The following ITGA1 variants were observed in gnomAD, a reference collection of about 807,000 sequenced individuals.
The protein encoded by ITGA1 is integrin alpha-1.
ITGA1 carries 85 observed loss-of-function variants against 145.9 expected under a neutral mutation model. The observed-to-expected ratio is 0.58, with a 90% CI of 0.49 to 0.70. The LOEUF (loss-of-function observed/expected upper bound fraction) is 0.70, where lower values mean the gene tolerates loss of function less well. ITGA1 is among the 30% of genes least tolerant of loss of function. The pLI, the probability that ITGA1 is intolerant of heterozygous loss-of-function variation, is 0.00. For synonymous variants in ITGA1, 520 were observed against 495.3 expected (o/e 1.05, Z -0.66); for missense variants, 1,351 against 1,418.7 (o/e 0.95, Z 0.77).
chr5:52,943,409 C>T (rs1486984625), intron 26 of ITGA1, among the ~76,000 whole-genome samples: 3 of 152,184 alleles, frequency 2.0e-5, no homozygotes, highest in African/African-American at 4.8e-5. Flanking sequence ...TGGGTGTATG[C>T]TCACAGGAGT....
At chr5:52,820,231 G>A (rs1748854359) in intron 1 of ITGA1, among the ~76,000 whole-genome samples, 2 of 151,720 alleles carry the variant, frequency 1.3e-5, no homozygotes, top group Admixed American at 1.3e-4. Context: ...TAGGGACATG[G>A]ATGAAGCTGG....
At chr5:52,929,373 C>T (rs1750862672) in intron 20 of ITGA1, among the ~76,000 whole-genome samples, 2 of 152,110 alleles carry the variant, frequency 1.3e-5, no homozygotes, top group African/African-American at 4.8e-5. Context: ...TAGGTTTCAA[C>T]ACATGAATTT....
chr5:52,838,014 A>T (rs1749187597), intron 1 of ITGA1, among the ~76,000 whole-genome samples: 1 of 152,210 alleles, frequency 6.6e-6, no homozygotes, highest in Non-Finnish European at 1.5e-5. Context: ...GCCCTTTAAA[A>T]TACTTTCTGA....
chr5:52,816,405 G>A (rs569951225), intron 1 of ITGA1, among the ~76,000 whole-genome samples: 16 of 152,292 alleles, frequency 1.1e-4, no homozygotes, highest in South Asian at 4.1e-4. Flanking sequence ...GGTTTAAACC[G>A]TGAAGTTAGT....
In ITGA1 at chr5:52,953,586, TA is replaced by T. The variant is rs1301293670; in HGVS notation, c.*1138del. On this transcript the variant is annotated 3_prime_UTR_variant, in exon 29 of 29. Coordinates refer to ENST00000282588, the MANE Select transcript of ITGA1 (RefSeq NM_181501.2). Reference sequence around the variant, plus strand: ...TTTTTAGGTGTGTTGCATCAATATTTAAATAAAATCCCAGAAATGTATTTTA... The same window carrying T: ...TTTTTAGGTGTGTTGCATCAATATTTAATAAAATCCCAGAAATGTATTTTA... The T allele has an allele frequency of 6.6e-6, 1 of 152,238 alleles. No homozygotes were observed. Among genetic ancestry groups the T allele is most frequent in the East Asian group, 1.9e-4 (1 of 5,200 alleles). The allele number at this position is 152,238 out of a possible 1,614,324, so 9.4% of individuals were successfully genotyped here.
chr5:52,922,878 A>G lies in ITGA1; in HGVS notation c.2394A>G (p.Val798=). 1 of 1,575,730 alleles carries G rather than the reference A, an allele frequency of 6.3e-7. No homozygotes were observed. Among genetic ancestry groups the G allele is most frequent in the Non-Finnish European group, 8.7e-7 (1 of 1,145,206 alleles). ...TTGATGATTCTCTACCAAACTCAGTACATGAATATGTAAGTCAGATTTCTT... is the reference window on the plus strand; with the variant it reads ...TTGATGATTCTCTACCAAACTCAGTGCATGAATATGTAAGTCAGATTTCTT... The part of the protein sequence containing the change: ...PVLDDSLPNS[V]HEYIPFAKDC... The change falls in exon 18 of 29, where the codon GTA becomes GTG. Residue 798 remains valine, a synonymous_variant. Coordinates refer to ENST00000282588, the MANE Select transcript of ITGA1 (RefSeq NM_181501.2).
intron 1 of ITGA1, chr5:52,800,168 G>C: frequency 1.7e-6 from 1 of 571,600 alleles, no homozygotes; most frequent in Non-Finnish European, 3.1e-6. Flanking sequence ...AGTGTTCCCC[G>C]AGCCTGTTAG....
At chr5:52,808,887 G>A (rs1748640647) in intron 1 of ITGA1, among the ~76,000 whole-genome samples, 1 of 151,728 alleles carries the variant, frequency 6.6e-6, no homozygotes, top group African/African-American at 2.4e-5. Flanking sequence ...TTTTCACAGG[G>A]TCCACATTCC....
At chr5:52,905,010 C>G (rs1750375779) in intron 11 of ITGA1, 1 of 152,114 alleles carries the variant, frequency 6.6e-6, no homozygotes, top group Non-Finnish European at 1.5e-5. Context: ...TGATGATACA[C>G]AAAGCCTGGG....
chr5:52,948,648 G>A (rs1046759498), intron 28 of ITGA1, among the ~76,000 whole-genome samples: 6 of 152,214 alleles, frequency 3.9e-5, no homozygotes, highest in African/African-American at 1.4e-4. Flanking sequence ...TAAGGGATCA[G>A]TGTTCTCTCT....
rs772311510 is a variant in ITGA1 at position 52,897,470 on chromosome 5, C to T, written c.1106C>T (p.Ser369Leu). The T allele has an allele frequency of 1.9e-6, 3 of 1,612,000 alleles. No homozygotes were observed. Among genetic ancestry groups the T allele is most frequent in the Non-Finnish European group, 2.5e-6 (3 of 1,178,324 alleles). ...IFALEATADQ[S>L]AASFEMEMSQ... Reference sequence around the variant, plus strand: ...TATGTTATAGCCACAGCTGACCAGTCAGCAGCTTCATTTGAAATGGAAATG... The same window carrying T: ...TATGTTATAGCCACAGCTGACCAGTTAGCAGCTTCATTTGAAATGGAAATG... The change falls in exon 10 of 29, where the codon TCA (serine) becomes TTA (leucine). Residue 369 changes from serine to leucine, a missense_variant. Coordinates refer to ENST00000282588, the MANE Select transcript of ITGA1 (RefSeq NM_181501.2).
At position 52,808,093 on chromosome 5, in the gene ITGA1, A is replaced by C. The variant is rs367971635; in HGVS notation, c.61+19679A>C. Among the ~76,000 whole-genome samples, 20 of 152,300 alleles carry C rather than the reference A, an allele frequency of 1.3e-4. No individual in the cohort carries two copies. The East Asian group carries it at 2.7e-3, about 21-fold the overall frequency. ...CACTGTCAAAAGAAAAAAAGCCTAG[A>C]GTATTATAGAGTATTTCACTGGGAC... is the stretch of plus-strand genomic sequence containing the variant. On this transcript the variant is annotated intron_variant, in intron 1 of 28. Transcript: ENST00000282588.
At chr5:52,950,336 G>C (rs1030819475) in intron 28 of ITGA1, among the ~76,000 whole-genome samples, 1 of 152,102 alleles carries the variant, frequency 6.6e-6, no homozygotes, top group Admixed American at 6.6e-5. Flanking sequence ...TACATGTTCT[G>C]GGTGGGTGTG....
rs1751341694 is a variant in ITGA1 at position 52,959,076 on chromosome 5, A to T, written c.*6625A>T. On this transcript the variant is annotated 3_prime_UTR_variant, in exon 29 of 29. Transcript: ENST00000282588. ...GTCCTATGTATGGCATATCCTGTAC[A>T]CCAATTGAAGGTCAGAGCTTTGGTA... is the stretch of plus-strand genomic sequence containing the variant. 6.6e-6 allele frequency: 1 copy of T among 152,180 alleles called. No individual in the cohort carries two copies. The highest frequency in any genetic ancestry group is 2.1e-4 in the South Asian group (1 of 4,838). The allele number at this position is 152,180 out of a possible 1,614,324, so 9.4% of individuals were successfully genotyped here.
At chr5:52,914,137 A>G (rs1473436232) in intron 14 of ITGA1, among the ~76,000 whole-genome samples, 1 of 152,256 alleles carries the variant, frequency 6.6e-6, no homozygotes, top group African/African-American at 2.4e-5. Context: ...TGGTAAATCA[A>G]GATGCAACTT....
intron 22 of ITGA1, 146 bp from the exon 23 acceptor site, chr5:52,933,748 C>T (rs970756733): frequency 2.1e-5 from 8 of 373,298 alleles, no homozygotes; most frequent in Admixed American, 9.3e-5. Flanking sequence ...TTTAATTTTA[C>T]GTTTCAAGGT....
At chr5:52,891,555 T>TAAAAAAA (rs56185635) in intron 8 of ITGA1, among the ~76,000 whole-genome samples, 8 of 118,850 alleles carry the variant, frequency 6.7e-5, no homozygotes, top group Non-Finnish European at 1.1e-4. Flanking sequence ...TCATGAACAC[T>TAAAAAAA]AAAAAAAAAA....
chr5:52,864,664 A>G, intron 3 of ITGA1, 99 bp from the exon 4 acceptor site: 1 of 700,612 alleles, frequency 1.4e-6, no homozygotes. Flanking sequence ...AGAATGTGCT[A>G]TGATATGAGC....
At chr5:52,909,735 T>G (rs538905812) in intron 13 of ITGA1, among the ~76,000 whole-genome samples, 1 of 152,088 alleles carries the variant, frequency 6.6e-6, no homozygotes, top group African/African-American at 2.4e-5. Context: ...GAAAGTGTAT[T>G]CTTGATTACC....
Sources: gnomAD v4.1 joint callset for allele counts (sites outside exome capture counted in the v4.1 genomes callset) on GRCh38, gnomAD v4.1.1 for gene constraint, MANE v1.5 for transcripts, NCBI Gene and HGNC (gene_info 2026-07-23, HGNC 2026-07-21) for gene names.